The following HMGCLL1 variants were observed in gnomAD, a reference collection of about 807,000 sequenced individuals.
HMGCLL1 encodes the protein 3-hydroxy-3-methylglutaryl-CoA lyase like 1.
A neutral mutation model predicts 39.1 loss-of-function variants in HMGCLL1; 36 were observed. The observed-to-expected ratio is 0.92, with a 90% CI of 0.71 to 1.22. The LOEUF (loss-of-function observed/expected upper bound fraction) is 1.22, where lower values mean the gene tolerates loss of function less well. HMGCLL1 is among the 50% of genes most tolerant of loss of function. The pLI is 0.00. For synonymous variants in HMGCLL1, 149 were observed against 144.0 expected (o/e 1.03, Z -0.25); for missense variants, 451 against 416.5 (o/e 1.08, Z -0.72).
At chr6:55,563,202 G>A (rs2127471739) in intron 1 of HMGCLL1, among the ~76,000 whole-genome samples, 1 of 152,158 alleles carries the variant, frequency 6.6e-6, no homozygotes, top group South Asian at 2.1e-4. Context: ...CACTCGGAAA[G>A]TATTCAAATG....
chr6:55,662,980 G>A, the HMGCLL1 span, among the ~76,000 whole-genome samples: 13 of 151,548 alleles, frequency 8.6e-5, no homozygotes, highest in Non-Finnish European at 1.9e-4. Context: ...GTGCATAGAG[G>A]TGTTCACAGT....
the HMGCLL1 span, among the ~76,000 whole-genome samples, chr6:55,661,041 T>G: frequency 1.3e-5 from 2 of 152,148 alleles, no homozygotes; most frequent in South Asian, 4.1e-4. Flanking sequence ...TTTATATCTT[T>G]TGCCCACTTT....
At chr6:55,597,444 T>A in the HMGCLL1 span, among the ~76,000 whole-genome samples, 1 of 151,962 alleles carries the variant, frequency 6.6e-6, no homozygotes, top group Non-Finnish European at 1.5e-5. Flanking sequence ...ATCCCAGATT[T>A]TCATATCTGT....
At chr6:55,480,275 T>C (rs552885694) in intron 7 of HMGCLL1, among the ~76,000 whole-genome samples, 3 of 151,572 alleles carry the variant, frequency 2.0e-5, no homozygotes, top group African/African-American at 7.3e-5. Flanking sequence ...AATAACTCTA[T>C]AGGAAAAATC....
At chr6:55,652,644 T>C in the HMGCLL1 span, among the ~76,000 whole-genome samples, 1 of 152,108 alleles carries the variant, frequency 6.6e-6, no homozygotes, top group Non-Finnish European at 1.5e-5. Context: ...CTGCAGTTTG[T>C]CTAACATTGT....
At chr6:55,627,049 G>GAAAAAAAAAAAAAA in the HMGCLL1 span, among the ~76,000 whole-genome samples, 1 of 85,808 alleles carries the variant, frequency 1.2e-5, no homozygotes, top group African/African-American at 4.6e-5. Context: ...CACTCCACCA[G>GAAAAAAAAAAAAAA]AAAAAAAAAA....
chr6:55,597,891 A>C, the HMGCLL1 span, among the ~76,000 whole-genome samples: 1 of 152,188 alleles, frequency 6.6e-6, no homozygotes, highest in East Asian at 1.9e-4. Flanking sequence ...TGTATATTTC[A>C]CTTTAATAAG....
At chr6:55,629,975 G>A in the HMGCLL1 span, among the ~76,000 whole-genome samples, 3 of 152,150 alleles carry the variant, frequency 2.0e-5, no homozygotes, top group Non-Finnish European at 4.4e-5. Flanking sequence ...AAGGAAATGT[G>A]GGTCAGAGTC....
At chr6:55,498,186 G>T (rs1016351392) in intron 6 of HMGCLL1, among the ~76,000 whole-genome samples, 1 of 152,088 alleles carries the variant, frequency 6.6e-6, no homozygotes, top group Non-Finnish European at 1.5e-5. Flanking sequence ...GGTAAGCAAA[G>T]GTGGATCCAG....
chr6:55,637,742 GTGTC>G, the HMGCLL1 span, among the ~76,000 whole-genome samples: 2 of 146,752 alleles, frequency 1.4e-5, no homozygotes, highest in Admixed American at 7.0e-5. Context: ...GTGTGTGTAT[GTGTC>G]TGTGTGTGTC....
chr6:55,656,359 T>A, the HMGCLL1 span, among the ~76,000 whole-genome samples: 1 of 151,932 alleles, frequency 6.6e-6, no homozygotes. Flanking sequence ...GAAGACAAAG[T>A]GTTCATCAAT....
chr6:55,586,878 C>A, the HMGCLL1 span, among the ~76,000 whole-genome samples: 1 of 152,092 alleles, frequency 6.6e-6, no homozygotes, highest in South Asian at 2.1e-4. Context: ...GTCTTTATAG[C>A]AGCATGATTT....
At chr6:55,592,242 T>A in the HMGCLL1 span, among the ~76,000 whole-genome samples, 1 of 152,018 alleles carries the variant, frequency 6.6e-6, no homozygotes, top group Non-Finnish European at 1.5e-5. Context: ...CCTTTCTCTC[T>A]TTTAATTTAT....
At chr6:55,588,089 A>G in the HMGCLL1 span, among the ~76,000 whole-genome samples, 2 of 152,172 alleles carry the variant, frequency 1.3e-5, no homozygotes, top group South Asian at 4.1e-4. Flanking sequence ...ACCCCAAATC[A>G]ACAGAATATA....
intron 1 of HMGCLL1, among the ~76,000 whole-genome samples, chr6:55,573,736 G>T (rs1271741448): frequency 6.6e-6 from 1 of 151,976 alleles, no homozygotes; most frequent in African/African-American, 2.4e-5. Flanking sequence ...GGCCTAACTG[G>T]AGAAGATTTA....
rs533277278 is a variant in HMGCLL1, at chr6:55,550,480, G to C, written c.109-8340C>G. ...ATAGTTCAACTTATTCTTCTACCTA[G>C]TTTTATATCCTTTACTTCCCCACAG... On this transcript the variant is annotated intron_variant, in intron 1 of 8. Transcript: ENST00000274901. Among the ~76,000 whole-genome samples the C allele has an allele frequency of 1.1e-3, 174 of 151,980 alleles. 2 individuals carry two copies. The highest frequency in any genetic ancestry group is 4.1e-3 in the African/African-American group (169 of 41,318).
chr6:55,628,781 C>T, the HMGCLL1 span, among the ~76,000 whole-genome samples: 1 of 152,108 alleles, frequency 6.6e-6, no homozygotes, highest in Non-Finnish European at 1.5e-5. Flanking sequence ...GAATAAGTCT[C>T]ATGAAACCTG....
At chr6:55,439,201 T>C (rs886590701) in intron 8 of HMGCLL1, among the ~76,000 whole-genome samples, 2 of 152,162 alleles carry the variant, frequency 1.3e-5, no homozygotes, top group Non-Finnish European at 2.9e-5. Flanking sequence ...TTAGAGGTCA[T>C]GAAGCACTAT....
the HMGCLL1 span, among the ~76,000 whole-genome samples, chr6:55,590,676 C>G: frequency 6.6e-6 from 1 of 151,888 alleles, no homozygotes; most frequent in Non-Finnish European, 1.5e-5. Flanking sequence ...TTATCTCATG[C>G]TTATTAAACT....
Sources: allele counts gnomAD v4.1 joint callset (sites outside exome capture counted in the v4.1 genomes callset), GRCh38; gene constraint gnomAD v4.1.1; transcripts MANE v1.5; gene names NCBI Gene and HGNC (gene_info 2026-07-23, HGNC 2026-07-21).